The following GGA2 variants were observed in gnomAD, a reference collection of about 807,000 sequenced individuals.
GGA2 encodes golgi associated, gamma adaptin ear containing, ARF binding protein 2.
Under a neutral mutation model 79.5 loss-of-function variants are expected in GGA2, and 48 were observed. That is an observed-to-expected ratio of 0.60 (90% confidence interval 0.48 to 0.77). The LOEUF is 0.77. Among genes scored for constraint, GGA2 ranks in the 30% least tolerant of loss-of-function variants. The pLI is 0.00. For synonymous variants in GGA2, 317 were observed against 302.0 expected, an observed-to-expected ratio of 1.05 and a Z score of -0.51; for missense variants, 770 against 774.0, an observed-to-expected ratio of 0.99 and a Z score of 0.06.
rs534287419 is a variant in GGA2 at position 23,498,708 on chromosome 16, A to C, written c.92-2930T>G. Among the ~76,000 whole-genome samples the C allele has an allele frequency of 5.9e-5, 9 of 152,350 alleles. No individual in the cohort carries two copies. In the South Asian group the frequency reaches 1.9e-3, roughly 32 times the overall value. ...AAAGGATAATTGTTTATTATTACGT[A>C]CAGTCTCTGGCTTTTACTGTAATAT... On this transcript the variant is annotated intron_variant, in intron 1 of 16. Transcript: ENST00000309859.
intron 14 of GGA2, among the ~76,000 whole-genome samples, chr16:23,474,229 T>C (rs139178700): frequency 6.6e-6 from 1 of 152,340 alleles, no homozygotes; most frequent in African/African-American, 2.4e-5. Context: ...CATTCCCTTC[T>C]TGAATCCCAA....
intron 1 of GGA2, among the ~76,000 whole-genome samples, chr16:23,504,715 A>ACT (rs1964955840): frequency 6.6e-6 from 1 of 152,198 alleles, no homozygotes; most frequent in South Asian, 2.1e-4. Context: ...GCCAGGGAGA[A>ACT]ATTCAAAGGA....
At chr16:23,481,510 C>T (rs1009945832) in intron 9 of GGA2, among the ~76,000 whole-genome samples, 15 of 151,956 alleles carry the variant, frequency 9.9e-5, no homozygotes, top group Admixed American at 3.3e-4. Context: ...TGGTGGTTCA[C>T]GCCTGTAATC....
intron 7 of GGA2, 66 bp downstream of exon 7, chr16:23,486,644 C>G: frequency 1.1e-6 from 1 of 911,032 alleles, no homozygotes; most frequent in Non-Finnish European, 1.9e-6. Flanking sequence ...AGCATAGGCT[C>G]ATATGCACTG....
At chr16:23,489,777 G>C (rs1394359469) in intron 5 of GGA2, among the ~76,000 whole-genome samples, 1 of 152,200 alleles carries the variant, frequency 6.6e-6, no homozygotes, top group Non-Finnish European at 1.5e-5. Flanking sequence ...CACGAAAACA[G>C]CGGGAAGGCC....
Position 23,467,405 on chromosome 16 carries a change from C to CACACAG in GGA2, c.*184_*185insCTGTGT. 1 of 568,166 alleles carries CACACAG rather than the reference C, an allele frequency of 1.8e-6. No homozygotes were observed. 35.2% of individuals were successfully genotyped at this position (568,166 alleles called of 1,614,324 possible). A position where few individuals can be genotyped will look rare whatever the true frequency, so the allele number is the denominator to read the frequency against. On this transcript the variant is annotated 3_prime_UTR_variant, in exon 17 of 17. Coordinates refer to ENST00000309859, the MANE Select transcript of GGA2 (RefSeq NM_015044.4). ...CTCCCCGAACACACACACACACACA[C>CACACAG]ACACACACACACACACACACACACA... is the stretch of plus-strand genomic sequence containing the variant.
chr16:23,488,362 C>T (rs774375725), intron 6 of GGA2, among the ~76,000 whole-genome samples: 1 of 152,146 alleles, frequency 6.6e-6, no homozygotes, highest in African/African-American at 2.4e-5. Flanking sequence ...ACAGATCCTA[C>T]CAAGACCCAG....
chr16:23,480,826 C>A, intron 9 of GGA2, 56 bp from the exon 10 acceptor site: 1 of 1,527,072 alleles, frequency 6.5e-7, no homozygotes, highest in South Asian at 1.1e-5. Flanking sequence ...CAATCTCAGT[C>A]TTTTCTAAGC....
Position 23,465,232 on chromosome 16 carries a change from C to T in GGA2, c.*2358G>A, listed in dbSNP as rs1202076588. ...AAATCCTGGGCTCAAGCGGTCATCC[C>T]ACTCAGCCTCCCAAAATGCTGGGAT... On this transcript the variant is annotated 3_prime_UTR_variant, in exon 17 of 17. Transcript: ENST00000309859. 1.5e-6 allele frequency: 1 copy of T among 658,324 alleles called. No individual in the cohort carries two copies. Among genetic ancestry groups the T allele is most frequent in the African/African-American group, 1.8e-5 (1 of 56,466 alleles). The allele number at this position is 658,324 out of a possible 1,614,324, so 40.8% of individuals were successfully genotyped here. A position where few individuals can be genotyped will look rare whatever the true frequency, so the allele number is the denominator to read the frequency against.
chr16:23,493,560 C>T (rs765528889), intron 3 of GGA2, 102 bp from the exon 4 acceptor site: 1 of 761,916 alleles, frequency 1.3e-6, no homozygotes, highest in East Asian at 2.6e-5. Flanking sequence ...GGAACCAAGG[C>T]TAACCCTGCC....
intron 1 of GGA2, among the ~76,000 whole-genome samples, chr16:23,497,849 T>C (rs1035566857): frequency 2.0e-5 from 3 of 151,878 alleles, no homozygotes; most frequent in Non-Finnish European, 4.4e-5. Flanking sequence ...ATAAAGAAAA[T>C]AGGGCCAGGT....
At chr16:23,472,186 T>TCTTTGTAGCCCTGG in intron 14 of GGA2, among the ~76,000 whole-genome samples, 1 of 12,454 alleles carries the variant, frequency 8.0e-5, no homozygotes, top group Non-Finnish European at 2.7e-4. Context: ...TAGCCCTGGT[T>TCTTTGTAGCCCTGG]TTTTTTTTTT....
chr16:23,510,262 G>T, intron 1 of GGA2, 59 bp downstream of exon 1: 1 of 1,138,454 alleles, frequency 8.8e-7, no homozygotes, highest in Non-Finnish European at 1.2e-6. Context: ...CCGGGAGGCG[G>T]GAAGCGAGGC....
intron 1 of GGA2, among the ~76,000 whole-genome samples, chr16:23,505,775 GGAA>G (rs1319152980): frequency 2.0e-5 from 3 of 151,462 alleles, no homozygotes; most frequent in Non-Finnish European, 4.4e-5. Context: ...GCCAACAGGC[GGAA>G]GAACAATAAC....
intron 13 of GGA2, 137 bp downstream of exon 13, chr16:23,478,231 A>AAAAAAAAAG (rs1305845666): frequency 1.5e-6 from 1 of 659,662 alleles, no homozygotes; most frequent in Non-Finnish European, 2.4e-6. Flanking sequence ...AAGACAAAAA[A>AAAAAAAAAG]AAAAAAAAGA....
intron 14 of GGA2, among the ~76,000 whole-genome samples, chr16:23,470,825 C>CTT (rs36067397): frequency 6.6e-4 from 37 of 56,126 alleles, no homozygotes; most frequent in Non-Finnish European, 8.6e-4. Context: ...GAAATAAATG[C>CTT]TTTTTTTTTT....
chr16:23,494,230 G>A, intron 3 of GGA2, 73 bp downstream of exon 3: 1 of 969,390 alleles, frequency 1.0e-6, no homozygotes, highest in Admixed American at 1.7e-5. Context: ...GATCTGTGTG[G>A]AAGCAAAGCG....
At chr16:23,495,630 C>A in intron 2 of GGA2, 64 bp downstream of exon 2, 2 of 887,634 alleles carry the variant, frequency 2.3e-6, no homozygotes, top group South Asian at 1.6e-5. Flanking sequence ...TCTTGAGAGA[C>A]AAAGGCCTAC....
intron 2 of GGA2, among the ~76,000 whole-genome samples, chr16:23,517,932 T>G (rs553310674): frequency 2.6e-5 from 4 of 151,220 alleles, no homozygotes; most frequent in East Asian, 3.9e-4. Context: ...TTATTTTTAT[T>G]TTTTGAGATG....
Sources: gnomAD v4.1 joint callset for allele counts (sites outside exome capture counted in the v4.1 genomes callset) on GRCh38, gnomAD v4.1.1 for gene constraint, MANE v1.5 for transcripts, NCBI Gene and HGNC (gene_info 2026-07-23, HGNC 2026-07-21) for gene names.